Variants in ZFP36L2 observed in about 807,000 individuals in gnomAD.
ZFP36L2 encodes mRNA decay activator protein ZFP36L2.
A neutral mutation model predicts 27.9 loss-of-function variants in ZFP36L2; 16 were observed. The observed-to-expected ratio is 0.57, with a 90% confidence interval of 0.39 to 0.87. ZFP36L2 has a LOEUF of 0.87. Ranked by LOEUF, ZFP36L2 falls within the 40% of genes least tolerant of loss-of-function variation. ZFP36L2 has a pLI of 0.00. For synonymous variants in ZFP36L2, 600 were observed against 363.8 expected, an observed-to-expected ratio of 1.65 and a Z score of -7.39; for missense variants, 989 against 726.9, an observed-to-expected ratio of 1.36 and a Z score of -4.15.
Position 43,225,263 on chromosome 2 carries a change from G to A in ZFP36L2, c.541C>T (p.His181Tyr), listed in dbSNP as rs1244959112. The change falls in exon 2 of 2, where the codon CAC becomes TAC. Residue 181 changes from histidine to tyrosine, a missense_variant. Coordinates refer to ENST00000282388, the MANE Select transcript of ZFP36L2 (RefSeq NM_006887.5). ...GEKCQFAHGF[H>Y]ELRSLTRHPK... ...TGGCGAGTCAGGCTGCGCAGCTCGT[G>A]GAAGCCATGCGCGAACTGGCACTTT... 3 of 1,610,894 alleles carry A rather than the reference G, an allele frequency of 1.9e-6. No homozygotes were observed. Among genetic ancestry groups the A allele is most frequent in the East Asian group, 2.2e-5 (1 of 44,882 alleles).
intron 1 of ZFP36L2, 75 bp from the exon 2 acceptor site, chr2:43,225,827 A>C: frequency 7.0e-7 from 1 of 1,419,400 alleles, no homozygotes; most frequent in Non-Finnish European, 9.5e-7. Flanking sequence ...CCGCAGAGGA[A>C]CTCCCAGCCT....
In ZFP36L2 at chr2:43,224,137, G is replaced by C. The variant is rs1179424294; in HGVS notation, c.*182C>G. The C allele has an allele frequency of 6.6e-6, 3 of 452,498 alleles. No homozygotes were observed. The highest frequency in any genetic ancestry group is 7.1e-5 in the East Asian group (2 of 28,358). 28.0% of individuals were successfully genotyped at this position (452,498 alleles called of 1,614,324 possible). Reference sequence around the variant, plus strand: ...AAAAAGACAAGAGGAAACCGAAAAAGGAGGGGTGGGGGCCCCTCCCGGCAC... The same window carrying C: ...AAAAAGACAAGAGGAAACCGAAAAACGAGGGGTGGGGGCCCCTCCCGGCAC... On this transcript the variant is annotated 3_prime_UTR_variant, in exon 2 of 2. Coordinates refer to ENST00000282388, the MANE Select transcript of ZFP36L2 (RefSeq NM_006887.5).
rs1379604726 is a variant in ZFP36L2, at chr2:43,224,845, G to A, written c.959C>T (p.Thr320Ile). The change falls in exon 2 of 2, where the codon ACA becomes ATA. Residue 320 changes from threonine to isoleucine, a missense_variant. Thr to Ile is a moderately conservative substitution (Grantham distance 89, BLOSUM62 -1). Transcript: ENST00000282388. Reference protein sequence around the residue: ...SAASTPSGAPTCCASAAAAAA... With the variant: ...SAASTPSGAPICCASAAAAAA... ...CGCGGCCGCCGCGGAGGCGCAGCAT[G>A]TCGGGGCGCCCGAGGGCGTGGAGGC... 2.7e-6 allele frequency: 4 copies of A among 1,459,500 alleles called. No individual in the cohort carries two copies. Among genetic ancestry groups the A allele is most frequent in the East Asian group, 2.9e-5 (1 of 34,392 alleles). 90.4% of individuals were successfully genotyped at this position (1,459,500 alleles called of 1,614,324 possible). A position where few individuals can be genotyped will look rare whatever the true frequency, so the allele number is the denominator to read the frequency against.
Position 43,226,340 on chromosome 2 carries a change from AGCGG to A in ZFP36L2, c.-29_-26del. The A allele has an allele frequency of 6.4e-7, 1 of 1,565,988 alleles. No individual in the cohort carries two copies. Among genetic ancestry groups the A allele is most frequent in the African/African-American group, 1.4e-5 (1 of 72,094 alleles). On this transcript the variant is annotated 5_prime_UTR_variant, in exon 1 of 2. Coordinates refer to ENST00000282388, the MANE Select transcript of ZFP36L2 (RefSeq NM_006887.5). ...TGTTTCTGGATCCCGCAGTGGCCGG[AGCGG>A]CAGGCCGGGAGGTCGGGAGGAGCCC...
rs1005277383 is a variant in ZFP36L2 at position 43,223,502 on chromosome 2, G to C, written c.*817C>G. ...TTTCATATTGAGTTGTGGTGCAGTG[G>C]TGCGAATCAACTCAAAACAGCTAAA... On this transcript the variant is annotated 3_prime_UTR_variant, in exon 2 of 2. Transcript: ENST00000282388. 1 of 152,480 alleles carries C rather than the reference G, an allele frequency of 6.6e-6. No individual in the cohort carries two copies. Among genetic ancestry groups the C allele is most frequent in the African/African-American group, 2.4e-5 (1 of 41,424 alleles). The allele number at this position is 152,480 out of a possible 1,614,324, so 9.4% of individuals were successfully genotyped here.
chr2:43,225,463 T>C lies in ZFP36L2; in HGVS notation c.341A>G (p.Asn114Ser), dbSNP rs755123091. ...PSGGGGTALL[N>S]KENKFRDRSF... ...GCGGTCCCGGAATTTGTTCTCCTTG[T>C]TGAGCAGGGCTGTGCCGCCGCCCCC... The change falls in exon 2 of 2, where the codon AAC becomes AGC. Residue 114 changes from asparagine to serine, a missense_variant. Asn to Ser is a conservative substitution (Grantham distance 46, BLOSUM62 1). Coordinates refer to ENST00000282388, the MANE Select transcript of ZFP36L2 (RefSeq NM_006887.5). 1.2e-6 allele frequency: 2 copies of C among 1,610,474 alleles called. No homozygotes were observed. Among genetic ancestry groups the C allele is most frequent in the Admixed American group, 1.7e-5 (1 of 59,792 alleles).
chr2:43,224,733 C>G lies in ZFP36L2; in HGVS notation c.1071G>C (p.Ser357=). The G allele has an allele frequency of 6.6e-7, 1 of 1,521,400 alleles. No homozygotes were observed. The highest frequency in any genetic ancestry group is 8.8e-7 in the Non-Finnish European group (1 of 1,141,512). The allele number at this position is 1,521,400 out of a possible 1,614,324, so 94.2% of individuals were successfully genotyped here. ...GAPCAACSSA[S]CANNAFAFGP... ...CGAAGGCGAAGGCGTTGTTGGCGCACGAGGCCGACGAGCAGGCCGCGCACG... is the reference window on the plus strand; with the variant it reads ...CGAAGGCGAAGGCGTTGTTGGCGCAGGAGGCCGACGAGCAGGCCGCGCACG... Residue 357 remains serine, a synonymous_variant, in exon 2 of 2, where the codon TCG becomes TCC. Coordinates refer to ENST00000282388, the MANE Select transcript of ZFP36L2 (RefSeq NM_006887.5).
Position 43,225,555 on chromosome 2 carries a change from G to A in ZFP36L2, c.249C>T (p.Asn83=). The part of the protein sequence containing the change: ...SCSPKFPGAA[N]GSSCGSAAAG... ...CCGCCGCGCTGCCGCAGCTGCTGCC[G>A]TTAGCGGCGCCCGGGAACTTGGGCG... The change falls in exon 2 of 2, where the codon AAC becomes AAT. Residue 83 remains asparagine (N), a synonymous_variant. Transcript: ENST00000282388. The A allele has an allele frequency of 1.3e-6, 2 of 1,574,932 alleles. No individual in the cohort carries two copies. The highest frequency in any genetic ancestry group is 2.7e-5 in the African/African-American group (2 of 74,418).
rs1667020753 is a variant in ZFP36L2, at chr2:43,223,842, T to C, written c.*477A>G. Reference sequence around the variant, plus strand: ...TGTTTACACCGGTCTGAGACACAATTAGGAACTTCTTCCAAGAGAAGGGTT... The same window carrying C: ...TGTTTACACCGGTCTGAGACACAATCAGGAACTTCTTCCAAGAGAAGGGTT... On this transcript the variant is annotated 3_prime_UTR_variant, in exon 2 of 2. Transcript: ENST00000282388. The C allele has an allele frequency of 1.3e-5, 2 of 154,108 alleles. No homozygotes were observed. Among genetic ancestry groups the C allele is most frequent in the African/African-American group, 4.8e-5 (2 of 41,482 alleles). 9.5% of individuals were successfully genotyped at this position (154,108 alleles called of 1,614,324 possible).
rs2103978632 is a variant in ZFP36L2, at chr2:43,226,255, C to T, written c.51+10G>A. 1 of 1,575,564 alleles carries T rather than the reference C, an allele frequency of 6.3e-7. No individual in the cohort carries two copies. The highest frequency in any genetic ancestry group is 8.6e-7 in the Non-Finnish European group (1 of 1,159,704). ...CGGCTGCTGCCGGCCGGGCCCGCTC[C>T]CTGGCCTACCTTGCACAAGAAGTCG... On this transcript the variant is annotated intron_variant, in intron 1 of 1. Transcript: ENST00000282388.
Position 43,224,378 on chromosome 2 carries a change from T to C in ZFP36L2, c.1426A>G (p.Ser476Gly), listed in dbSNP as rs1428467894. Residue 476 changes from serine to glycine, a missense_variant, in exon 2 of 2, where the codon AGC becomes GGC. By Grantham distance (56) the Ser-to-Gly change is moderately conservative (BLOSUM62 0). Transcript: ENST00000282388. The stretch of plus-strand genomic sequence containing the variant: ...GGCAGGCGGCGGCCAGGGTCGAGGC[T>C]GGGAGACTCAGAGCCGCTGAGGCTG... ...SGSLSGSESP[S>G]LDPGRRLPIF... 4.5e-6 allele frequency: 7 copies of C among 1,563,390 alleles called. 1 individual carries two copies. In the South Asian group the frequency reaches 8.0e-5, roughly 18 times the overall value.
In ZFP36L2 at chr2:43,225,512, A is replaced by G. The variant is rs1033364439; in HGVS notation, c.292T>C (p.Tyr98His). 1 of 1,601,542 alleles carries G rather than the reference A, an allele frequency of 6.2e-7. No homozygotes were observed. Among genetic ancestry groups the G allele is most frequent in the Non-Finnish European group, 8.5e-7 (1 of 1,176,344 alleles). The change falls in exon 2 of 2, where the codon TAC becomes CAC. Residue 98 changes from tyrosine to histidine, a missense_variant. Transcript: ENST00000282388. ...GSAAAGGPTS[Y>H]GTLKEPSGGG... ...CCCGACGGCTCCTTAAGGGTGCCGT[A>G]GGAGGTCGGACCGCCGGCCGCCGCG...
In ZFP36L2 at chr2:43,225,447, G is replaced by A. The variant is rs372186320; in HGVS notation, c.357C>T (p.Phe119=). 9 of 1,611,378 alleles carry A rather than the reference G, an allele frequency of 5.6e-6. No homozygotes were observed. The African/African-American group carries it at 1.2e-4, about 22-fold the overall frequency. The change falls in exon 2 of 2, where the codon TTC becomes TTT. Residue 119 remains phenylalanine, a synonymous_variant. Coordinates refer to ENST00000282388, the MANE Select transcript of ZFP36L2 (RefSeq NM_006887.5). ...GTALLNKENK[F]RDRSFSENGD... is the part of the protein sequence containing the mutation. ...CGTTCTCGCTAAACGAGCGGTCCCGGAATTTGTTCTCCTTGTTGAGCAGGG... is the reference window on the plus strand; with the variant it reads ...CGTTCTCGCTAAACGAGCGGTCCCGAAATTTGTTCTCCTTGTTGAGCAGGG...
Position 43,224,853 on chromosome 2 carries a change from G to A in ZFP36L2, c.951C>T (p.Gly317=). ...CCGCGGAGGCGCAGCATGTCGGGGCGCCCGAGGGCGTGGAGGCCGCGGAGG... is the reference window on the plus strand; with the variant it reads ...CCGCGGAGGCGCAGCATGTCGGGGCACCCGAGGGCGTGGAGGCCGCGGAGG... ...SSASAASTPS[G]APTCCASAAA... Residue 317 remains glycine, a synonymous_variant, in exon 2 of 2, where the codon GGC becomes GGT. Transcript: ENST00000282388. The A allele has an allele frequency of 2.0e-6, 3 of 1,469,880 alleles. No individual in the cohort carries two copies. The South Asian group carries it at 3.9e-5, about 19-fold the overall frequency. The allele number at this position is 1,469,880 out of a possible 1,614,324, so 91.1% of individuals were successfully genotyped here.
At chr2:43,226,125 C>T in intron 1 of ZFP36L2, 140 bp downstream of exon 1, 2 of 1,253,290 alleles carry the variant, frequency 1.6e-6, no homozygotes, top group Non-Finnish European at 1.1e-6. Flanking sequence ...CTCCAGGGCG[C>T]TCGGACACTC....
In ZFP36L2 at chr2:43,226,582, G is replaced by T; in HGVS notation, c.-267C>A. Reference sequence around the variant, plus strand: ...GGCCCGCCCCCCCCGCGGAGCCGACGGCAGCTCGCGGACTGCTGGAACTCG... The same window carrying T: ...GGCCCGCCCCCCCCGCGGAGCCGACTGCAGCTCGCGGACTGCTGGAACTCG... On this transcript the variant is annotated 5_prime_UTR_variant, in exon 1 of 2. Transcript: ENST00000282388. 4.1e-6 allele frequency: 2 copies of T among 485,818 alleles called. No homozygotes were observed. The highest frequency in any genetic ancestry group is 5.3e-4 in the Middle Eastern group (1 of 1,880). The allele number at this position is 485,818 out of a possible 1,614,324, so 30.1% of individuals were successfully genotyped here. A position where few individuals can be genotyped will look rare whatever the true frequency, so the allele number is the denominator to read the frequency against.
rs1290236912 is a variant in ZFP36L2 at position 43,223,906 on chromosome 2, G to A, written c.*413C>T. ...TTAACTAATGCTGTTCAAGTGAAGA[G>A]ATGGAATGGTGGTTGGTAGCTGCTG... On this transcript the variant is annotated 3_prime_UTR_variant, in exon 2 of 2. Coordinates refer to ENST00000282388, the MANE Select transcript of ZFP36L2 (RefSeq NM_006887.5). 6.2e-6 allele frequency: 1 copy of A among 162,224 alleles called. No homozygotes were observed. The highest frequency in any genetic ancestry group is 1.3e-5 in the Non-Finnish European group (1 of 74,682). The allele number at this position is 162,224 out of a possible 1,614,324, so 10.0% of individuals were successfully genotyped here. A position where few individuals can be genotyped will look rare whatever the true frequency, so the allele number is the denominator to read the frequency against.
chr2:43,224,542 GC>G lies in ZFP36L2; in HGVS notation c.1261del (p.Ala421ProfsTer40). On this transcript the variant is annotated frameshift_variant, in exon 2 of 2. Transcript: ENST00000282388. LOFTEE classifies it high-confidence loss of function. ...GAAGGGCGGCGAGGGAGGTGCGGCG[GC>G]CCCGGCGGGGAGGGTCGCGCTGGGC... ...APPSATLPAG[A>X]AAPPSPPFSF... 1 of 1,440,740 alleles carries G rather than the reference GC, an allele frequency of 6.9e-7. No homozygotes were observed. The highest frequency in any genetic ancestry group is 2.6e-5 in the Admixed American group (1 of 38,538). The allele number at this position is 1,440,740 out of a possible 1,614,324, so 89.2% of individuals were successfully genotyped here.
rs1325052470 is a variant in ZFP36L2 at position 43,224,062 on chromosome 2, T to A, written c.*257A>T. On this transcript the variant is annotated 3_prime_UTR_variant, in exon 2 of 2. Coordinates refer to ENST00000282388, the MANE Select transcript of ZFP36L2 (RefSeq NM_006887.5). Reference sequence around the variant, plus strand: ...TGAATATTTTGTTCAACAGAAAAAGTTCGACTTTTTTGCTCAAAAAGAATG... The same window carrying A: ...TGAATATTTTGTTCAACAGAAAAAGATCGACTTTTTTGCTCAAAAAGAATG... 2.7e-6 allele frequency: 1 copy of A among 375,268 alleles called. No homozygotes were observed. Among genetic ancestry groups the A allele is most frequent in the Admixed American group, 4.6e-5 (1 of 21,922 alleles). 23.2% of individuals were successfully genotyped at this position (375,268 alleles called of 1,614,324 possible).
Sources: allele counts gnomAD v4.1 joint callset, GRCh38; gene constraint gnomAD v4.1.1; transcripts MANE v1.5; gene names NCBI Gene and HGNC (gene_info 2026-07-23, HGNC 2026-07-21).